Variants in SLIT3 observed in about 807,000 individuals in gnomAD.
SLIT3 encodes slit guidance ligand 3, also known as slit homolog 3 protein.
In SLIT3, 68 loss-of-function variants were observed where a neutral mutation model predicts 184.0. The ratio of observed to expected loss-of-function variants is 0.37; its 90% CI spans 0.30 to 0.45. The LOEUF is 0.45. Among genes scored for constraint, SLIT3 ranks in the 20% least tolerant of loss-of-function variants. The pLI, the probability that SLIT3 is intolerant of heterozygous loss-of-function variation, is 1.00. For missense variants in SLIT3, 1,707 were observed against 2,026.0 expected, an observed-to-expected ratio of 0.84 and a Z score of 3.02; for synonymous variants, 831 against 828.6, an observed-to-expected ratio of 1.00 and a Z score of -0.05.
At chr5:168,850,289 G>T (rs1758623235) in intron 5 of SLIT3, among the ~76,000 whole-genome samples, 1 of 152,098 alleles carries the variant, frequency 6.6e-6, no homozygotes, top group African/African-American at 2.4e-5. Context: ...AAAAGGAGGT[G>T]AATCTATCAT....
intron 31 of SLIT3, 79 bp downstream of exon 31, chr5:168,685,608 C>T (rs1761717284): frequency 6.8e-7 from 1 of 1,478,428 alleles, no homozygotes; most frequent in South Asian, 1.4e-5. Flanking sequence ...TAAGATGGGG[C>T]ATTCCAGCAA....
Position 169,266,962 on chromosome 5 carries a change from G to C in SLIT3, c.198-15503C>G, listed in dbSNP as rs542165273. ...AGGCCACTTAACTCCGGTCAATAGA[G>C]GTACAAATGCTGCACCCAACCAACA... On this transcript the variant is annotated intron_variant, in intron 1 of 35. Transcript: ENST00000519560. 2.6e-5 allele frequency among the ~76,000 whole-genome samples: 4 copies of C among 152,254 alleles called. No homozygotes were observed. In the South Asian group the frequency reaches 8.3e-4, roughly 32 times the overall value.
intron 4 of SLIT3, among the ~76,000 whole-genome samples, chr5:169,074,451 T>G (rs1758663979): frequency 6.6e-6 from 1 of 152,188 alleles, no homozygotes; most frequent in Admixed American, 6.5e-5. Flanking sequence ...TAGCTAGCAT[T>G]ATGGAGTGTT....
intron 4 of SLIT3, among the ~76,000 whole-genome samples, chr5:168,977,821 C>T (rs993838738): frequency 6.6e-6 from 1 of 152,096 alleles, no homozygotes; most frequent in African/African-American, 2.4e-5. Flanking sequence ...AGCCAAAAGA[C>T]ATGGCTGTAT....
intron 8 of SLIT3, among the ~76,000 whole-genome samples, chr5:168,811,153 G>A (rs1018593284): frequency 1.3e-5 from 2 of 152,152 alleles, no homozygotes; most frequent in Non-Finnish European, 2.9e-5. Context: ...GGCAAGGAAA[G>A]AGAAGCCCTG....
At chr5:169,067,769 CT>C (rs1376661527) in intron 4 of SLIT3, among the ~76,000 whole-genome samples, 9 of 152,324 alleles carry the variant, frequency 5.9e-5, no homozygotes, top group South Asian at 2.1e-4. Flanking sequence ...ACAGCTGGCA[CT>C]TTCTGTCCCT....
At chr5:168,711,687 A>G (rs565062081) in intron 24 of SLIT3, among the ~76,000 whole-genome samples, 57 of 152,242 alleles carry the variant, frequency 3.7e-4, no homozygotes, top group Non-Finnish European at 5.9e-4. Context: ...ACAGAGGTGT[A>G]TAAAAAAATG....
At chr5:168,772,703 C>T in intron 14 of SLIT3, 78 bp downstream of exon 14, 1 of 1,529,216 alleles carries the variant, frequency 6.5e-7, no homozygotes, top group Non-Finnish European at 9.0e-7. Flanking sequence ...TCGCTGTCCT[C>T]CAGATTGGAT....
intron 1 of SLIT3, among the ~76,000 whole-genome samples, chr5:169,268,284 C>G (rs1399662169): frequency 2.0e-5 from 3 of 152,164 alleles, no homozygotes; most frequent in Non-Finnish European, 4.4e-5. Context: ...AGCTTCATTG[C>G]TCATTTCACA....
intron 4 of SLIT3, among the ~76,000 whole-genome samples, chr5:169,028,935 A>G (rs1230448310): frequency 6.6e-6 from 1 of 152,216 alleles, no homozygotes; most frequent in East Asian, 1.9e-4. Context: ...GCCTGGACAT[A>G]TATTGGTGGC....
chr5:168,759,319 T>C (rs1195929760), intron 16 of SLIT3, among the ~76,000 whole-genome samples: 1 of 152,234 alleles, frequency 6.6e-6, no homozygotes, highest in Non-Finnish European at 1.5e-5. Context: ...AACCTTGTTA[T>C]ATGTATGCTT....
chr5:168,743,202 G>A (rs1332205120), intron 20 of SLIT3, among the ~76,000 whole-genome samples: 1 of 151,836 alleles, frequency 6.6e-6, no homozygotes, highest in Non-Finnish European at 1.5e-5. Flanking sequence ...TGCGTACCTT[G>A]TTTTATTGCA....
At chr5:169,083,489 G>A (rs571793963) in intron 4 of SLIT3, among the ~76,000 whole-genome samples, 5 of 152,298 alleles carry the variant, frequency 3.3e-5, no homozygotes, top group East Asian at 3.9e-4. Context: ...CTATCAGCAC[G>A]CCTTAAACTT....
intron 9 of SLIT3, among the ~76,000 whole-genome samples, chr5:168,804,310 C>CAAAAAAAAA (rs770650322): frequency 4.6e-4 from 24 of 52,362 alleles, no homozygotes; most frequent in Non-Finnish European, 5.1e-4. Flanking sequence ...AACTCTTTCT[C>CAAAAAAAAA]AAAAAAAAAA....
At chr5:168,787,381 A>C (rs1194320724) in intron 11 of SLIT3, among the ~76,000 whole-genome samples, 2 of 152,148 alleles carry the variant, frequency 1.3e-5, no homozygotes, top group African/African-American at 2.4e-5. Flanking sequence ...TGGCAGGTGG[A>C]GGCGGGCTGA....
chr5:169,156,838 A>G (rs1403835597), intron 4 of SLIT3, among the ~76,000 whole-genome samples: 2 of 152,176 alleles, frequency 1.3e-5, no homozygotes, highest in African/African-American at 4.8e-5. Context: ...CAAAACAAAC[A>G]CCAGAAGACT....
At chr5:169,045,936 T>A (rs984063027) in intron 4 of SLIT3, among the ~76,000 whole-genome samples, 1 of 152,258 alleles carries the variant, frequency 6.6e-6, no homozygotes, top group African/African-American at 2.4e-5. Context: ...TGTGCATTGC[T>A]ATATCTCTAG....
intron 2 of SLIT3, among the ~76,000 whole-genome samples, chr5:169,247,986 A>G (rs1299684838): frequency 2.0e-5 from 3 of 152,148 alleles, no homozygotes; most frequent in African/African-American, 7.2e-5. Flanking sequence ...AAAGAGAGTC[A>G]CCGGCAGGAG....
chr5:168,962,131 G>C lies in SLIT3; in HGVS notation c.414-78795C>G, dbSNP rs79165097. Among the ~76,000 whole-genome samples the C allele has an allele frequency of 5.1e-3, 772 of 152,188 alleles. 6 individuals are homozygous for C. The highest frequency in any genetic ancestry group is 0.018 in the African/African-American group (733 of 41,510). ...CCACCAGCATCTCTGGGCAGCTTCT[G>C]TACCCATGGGTGGGGGTGGGAGTGG... is the stretch of plus-strand genomic sequence containing the variant. On this transcript the variant is annotated intron_variant, in intron 4 of 35. Coordinates refer to ENST00000519560, the MANE Select transcript of SLIT3 (RefSeq NM_003062.4).
Sources: gnomAD v4.1 joint callset for allele counts (sites outside exome capture counted in the v4.1 genomes callset) on GRCh38, gnomAD v4.1.1 for gene constraint, MANE v1.5 for transcripts, NCBI Gene and HGNC (gene_info 2026-07-23, HGNC 2026-07-21) for gene names.